The following DDX55 variants were observed in gnomAD, a reference collection of about 807,000 sequenced individuals.
The protein encoded by DDX55 is ATP-dependent RNA helicase DDX55.
Under a neutral mutation model 69.2 loss-of-function variants are expected in DDX55, and 56 were observed. The observed-to-expected ratio is 0.81, with a 90% CI of 0.65 to 1.01. The LOEUF is 1.01. Among genes scored for constraint, DDX55 ranks in the 50% least tolerant of loss-of-function variants. The probability of loss-of-function intolerance (pLI) is 0.00; values close to 1 mark genes in which losing one functional copy is unlikely to be tolerated. For missense variants in DDX55, 720 were observed against 745.1 expected, an observed-to-expected ratio of 0.97 and a Z score of 0.39; for synonymous variants, 268 against 273.1, an observed-to-expected ratio of 0.98 and a Z score of 0.18.
Position 123,618,650 on chromosome 12 carries a change from GGTAT to G in DDX55, c.1165-16_1165-13del. Reference sequence around the variant, plus strand: ...TGCCAGCCAGGGAAGGTGAGAATGTGGTATGTGTGTGTGTGTAGTGCCCCCTGCA... The same window carrying G: ...TGCCAGCCAGGGAAGGTGAGAATGTGGTGTGTGTGTGTAGTGCCCCCTGCA... On this transcript the variant is annotated splice_polypyrimidine_tract_variant and intron_variant, in intron 11 of 13. Coordinates refer to ENST00000238146, the MANE Select transcript of DDX55 (RefSeq NM_020936.3). 2.5e-6 allele frequency: 4 copies of G among 1,607,436 alleles called. No individual in the cohort carries two copies. The highest frequency in any genetic ancestry group is 3.4e-6 in the Non-Finnish European group (4 of 1,176,214).
chr12:123,613,864 G>A (rs568897181), intron 8 of DDX55, among the ~76,000 whole-genome samples: 1 of 152,274 alleles, frequency 6.6e-6, no homozygotes, highest in African/African-American at 2.4e-5. Context: ...CCGCCACAGT[G>A]GGGTTTTGTC....
chr12:123,615,104 G>C, intron 8 of DDX55, 81 bp from the exon 9 acceptor site: 2 of 1,585,118 alleles, frequency 1.3e-6, no homozygotes, highest in Non-Finnish European at 1.7e-6. Context: ...GTCTGCTGCA[G>C]CTATTGCTCA....
In DDX55 at chr12:123,610,135, G is replaced by T. The variant is rs781294384; in HGVS notation, c.741+7G>T. On this transcript the variant is annotated splice_region_variant and intron_variant, in intron 7 of 13. Coordinates refer to ENST00000238146, the MANE Select transcript of DDX55 (RefSeq NM_020936.3). ...CCTGGAAAACTACTACATGGTAAGC[G>T]CCTGGGCTTGCTTCTTACTCAGCGA... 1 of 1,609,200 alleles carries T rather than the reference G, an allele frequency of 6.2e-7. No individual in the cohort carries two copies. Among genetic ancestry groups the T allele is most frequent in the South Asian group, 1.1e-5 (1 of 90,416 alleles).
Position 123,619,603 on chromosome 12 carries a change from AAAG to A in DDX55, c.1510_1512del (p.Arg504del), listed in dbSNP as rs756532573. On this transcript the variant is annotated inframe_deletion, in exon 13 of 14. Transcript: ENST00000238146. Reference sequence around the variant, plus strand: ...CAGAGGCAGAAACTCCTGGAGCAACAAAGAAGAGAGAAAACAGAAAATGAAGGG... The same window carrying A: ...CAGAGGCAGAAACTCCTGGAGCAACAAAGAGAGAAAACAGAAAATGAAGGG... The A allele has an allele frequency of 1.2e-5, 19 of 1,613,960 alleles. No individual in the cohort carries two copies. The highest frequency in any genetic ancestry group is 1.5e-5 in the Non-Finnish European group (18 of 1,180,038).
chr12:123,608,631 C>T (rs1462901220), intron 5 of DDX55, 49 bp from the exon 6 acceptor site: 1 of 1,598,358 alleles, frequency 6.3e-7, no homozygotes, highest in African/African-American at 1.3e-5. Context: ...TCATCAACCA[C>T]ATTCCCAAGA....
chr12:123,606,047 G>C (rs770544787), intron 2 of DDX55, 26 bp from the exon 3 acceptor site: 1 of 1,515,226 alleles, frequency 6.6e-7, no homozygotes, highest in South Asian at 1.1e-5. Context: ...GAGGAAGAAA[G>C]GGAAACCAAA....
chr12:123,617,134 ACT>A (rs1257826228), intron 10 of DDX55, among the ~76,000 whole-genome samples: 1 of 152,224 alleles, frequency 6.6e-6, no homozygotes, highest in Non-Finnish European at 1.5e-5. Context: ...ACAGTGTGAG[ACT>A]CTGTCTCAAA....
intron 12 of DDX55, among the ~76,000 whole-genome samples, chr12:123,619,204 C>T (rs575484384): frequency 1.8e-4 from 28 of 152,286 alleles, no homozygotes; most frequent in African/African-American, 6.5e-4. Flanking sequence ...GGGGTTTCAC[C>T]GTGTTAGCCA....
chr12:123,619,927 A>G, intron 13 of DDX55, 37 bp from the exon 14 acceptor site: 1 of 1,586,900 alleles, frequency 6.3e-7, no homozygotes, highest in Non-Finnish European at 8.6e-7. Flanking sequence ...ACTATTGCTG[A>G]AAAATTTAGT....
At chr12:123,609,850 CTT>C in intron 6 of DDX55, 87 bp from the exon 7 acceptor site, 1 of 1,464,656 alleles carries the variant, frequency 6.8e-7, no homozygotes, top group Non-Finnish European at 9.2e-7. Flanking sequence ...CACTTTCAGT[CTT>C]TTTGAATACC....
At chr12:123,610,494 G>A (rs1379831377) in intron 7 of DDX55, among the ~76,000 whole-genome samples, 2 of 151,894 alleles carry the variant, frequency 1.3e-5, no homozygotes, top group Non-Finnish European at 2.9e-5. Context: ...TGTGCAGGTG[G>A]AACACAGAAA....
chr12:123,608,624 TC>T (rs1954027338), intron 5 of DDX55, 55 bp from the exon 6 acceptor site: 1 of 1,592,796 alleles, frequency 6.3e-7, no homozygotes. Context: ...TTGGTAATCA[TC>T]AACCACATTC....
intron 7 of DDX55, among the ~76,000 whole-genome samples, chr12:123,612,291 A>G (rs1004611361): frequency 6.6e-6 from 1 of 152,194 alleles, no homozygotes; most frequent in African/African-American, 2.4e-5. Context: ...TTAGCTTTGG[A>G]CACACTGTGG....
intron 2 of DDX55, 38 bp from the exon 3 acceptor site, chr12:123,606,028 ATGAACTC>A (rs749287317): frequency 3.7e-6 from 6 of 1,606,926 alleles, no homozygotes; most frequent in Non-Finnish European, 5.1e-6. Flanking sequence ...TCTCCCTCAG[ATGAACTC>A]TGAGGAAGAA....
In DDX55 at chr12:123,617,837, G is replaced by A. The variant is rs1278341512; in HGVS notation, c.1129G>A (p.Glu377Lys). The A allele has an allele frequency of 2.5e-6, 4 of 1,614,078 alleles. No homozygotes were observed. The highest frequency in any genetic ancestry group is 1.6e-4 in the Middle Eastern group (1 of 6,082). The change falls in exon 11 of 14, where the codon GAG becomes AAG. Residue 377 changes from glutamate to lysine, a missense_variant. Physicochemically the swap from Glu to Lys is moderately conservative, Grantham distance 56. Transcript: ENST00000238146. ...SALVFLLPMEESYINFLAINQ... is the reference protein window; with the variant it reads ...SALVFLLPMEKSYINFLAINQ... ...TCTGGTGTTCCTCCTGCCCATGGAA[G>A]AGTCATACATCAATTTCCTTGCAAT...
In DDX55 at chr12:123,609,671, C is replaced by G. The variant is rs149625182; in HGVS notation, c.552-268C>G. On this transcript the variant is annotated intron_variant, in intron 6 of 13. Transcript: ENST00000238146. ...TACAAGCATGAGCCATCACACCTGG[C>G]AGTTTTGTTGTTTTTTAATAAACAG... Among the ~76,000 whole-genome samples the G allele has an allele frequency of 5.6e-3, 849 of 152,180 alleles. 7 individuals carry two copies. Among genetic ancestry groups the G allele is most frequent in the African/African-American group, 0.02 (815 of 41,514 alleles).
chr12:123,607,455 C>G lies in DDX55; in HGVS notation c.270C>G (p.Pro90=), dbSNP rs371949103. Residue 90 remains proline, a synonymous_variant, in exon 4 of 14, where the codon CCC becomes CCG. Coordinates refer to ENST00000238146, the MANE Select transcript of DDX55 (RefSeq NM_020936.3). ...KSQVGAIIIT[P]TRELAIQIDE... Reference sequence around the variant, plus strand: ...AGGTTGGAGCCATAATCATCACCCCCACTCGAGAGCTGGCCATTCAAATAG... The same window carrying G: ...AGGTTGGAGCCATAATCATCACCCCGACTCGAGAGCTGGCCATTCAAATAG... 74 of 1,614,020 alleles carry G rather than the reference C, an allele frequency of 4.6e-5. No homozygotes were observed. The highest frequency in any genetic ancestry group is 1.6e-4 in the Middle Eastern group (1 of 6,080).
At chr12:123,613,978 A>G (rs1044118295) in intron 8 of DDX55, among the ~76,000 whole-genome samples, 2 of 151,866 alleles carry the variant, frequency 1.3e-5, no homozygotes, top group Admixed American at 1.3e-4. Context: ...TTAGTAGTAC[A>G]TAAAAAATAA....
Position 123,602,143 on chromosome 12 carries a change from C to T in DDX55, c.-6C>T, listed in dbSNP as rs548465647. 4 of 1,545,048 alleles carry T rather than the reference C, an allele frequency of 2.6e-6. No individual in the cohort carries two copies. The highest frequency in any genetic ancestry group is 4.9e-5 in the East Asian group (2 of 40,922). ...AGCGGCGACCGACGCGGCGAAGGAG[C>T]GCGCCATGGAGCATGTGACAGAGGG... On this transcript the variant is annotated 5_prime_UTR_variant, in exon 1 of 14. Coordinates refer to ENST00000238146, the MANE Select transcript of DDX55 (RefSeq NM_020936.3).
Sources: allele counts gnomAD v4.1 joint callset (sites outside exome capture counted in the v4.1 genomes callset), GRCh38; gene constraint gnomAD v4.1.1; transcripts MANE v1.5; gene names NCBI Gene and HGNC (gene_info 2026-07-23, HGNC 2026-07-21).